ARRB1: variants seen among roughly 807,000 people sequenced by gnomAD.
ARRB1 encodes arrestin beta 1.
In ARRB1, 21 loss-of-function variants were observed where a neutral mutation model predicts 56.8. The observed-to-expected ratio is 0.37, with a 90% CI of 0.26 to 0.53. The LOEUF is 0.53. Ranked by LOEUF, ARRB1 falls within the 20% of genes least tolerant of loss-of-function variation. ARRB1 has a pLI of 0.88. For missense variants in ARRB1, 424 were observed against 553.7 expected, an observed-to-expected ratio of 0.77 and a Z score of 2.35; for synonymous variants, 210 against 218.6, an observed-to-expected ratio of 0.96 and a Z score of 0.35.
chr11:75,267,901 C>A (rs1158235234), intron 14 of ARRB1, among the ~76,000 whole-genome samples, 198 bp from the exon 15 acceptor site: 3 of 152,172 alleles, frequency 2.0e-5, no homozygotes, highest in Non-Finnish European at 4.4e-5. Context: ...AGGATGGCAC[C>A]AGGAGGGCCC....
intron 1 of ARRB1, among the ~76,000 whole-genome samples, chr11:75,327,301 C>CAAAAAAAAA (rs777940901): frequency 1.7e-5 from 1 of 60,254 alleles, no homozygotes; most frequent in Non-Finnish European, 3.0e-5. Flanking sequence ...AACTCCATCT[C>CAAAAAAAAA]AAAAAAAAAA....
intron 8 of ARRB1, 80 bp from the exon 9 acceptor site, chr11:75,277,528 G>A (rs993309630): frequency 4.6e-5 from 61 of 1,313,228 alleles, no homozygotes; most frequent in East Asian, 2.8e-4. Flanking sequence ...AAGCCCCCAC[G>A]CGATCTTCTG....
intron 6 of ARRB1, 91 bp downstream of exon 6, chr11:75,281,871 T>C (rs1370832342): frequency 3.0e-6 from 4 of 1,339,026 alleles, no homozygotes; most frequent in East Asian, 2.4e-5. Context: ...AGAGTGGTCC[T>C]GTGTGTCCAG....
Position 75,264,704 on chromosome 11 carries a change from A to G in ARRB1, c.*1459T>C, listed in dbSNP as rs1172232021. ...CAGACCAGGAGCTCTAATGTTCACA[A>G]ATTCTTGGTGGCCAGAGCTAGGAAG... On this transcript the variant is annotated 3_prime_UTR_variant, in exon 16 of 16. Coordinates refer to ENST00000420843, the MANE Select transcript of ARRB1 (RefSeq NM_004041.5). 6.6e-6 allele frequency: 1 copy of G among 152,120 alleles called. No individual in the cohort carries two copies. Among genetic ancestry groups the G allele is most frequent in the Non-Finnish European group, 1.5e-5 (1 of 68,012 alleles). 9.4% of individuals were successfully genotyped at this position (152,120 alleles called of 1,614,324 possible).
At position 75,263,011 on chromosome 11, in the gene ARRB1, C is replaced by A. The variant is rs146375593; in HGVS notation, c.*3152G>T. On this transcript the variant is annotated 3_prime_UTR_variant, in exon 16 of 16. Coordinates refer to ENST00000420843, the MANE Select transcript of ARRB1 (RefSeq NM_004041.5). ...TCTGCTCGGTGGGTTTTCACCGGGG[C>A]ATGCTTTTCCTTCCTGCCCGGACCG... Among the ~76,000 whole-genome samples, 10 of 152,314 alleles carry A rather than the reference C, an allele frequency of 6.6e-5. No individual in the cohort carries two copies. The East Asian group carries it at 1.7e-3, about 26-fold the overall frequency.
chr11:75,350,930 G>C (rs1410014630), intron 1 of ARRB1, among the ~76,000 whole-genome samples: 1 of 152,194 alleles, frequency 6.6e-6, no homozygotes, highest in African/African-American at 2.4e-5. Context: ...CAGTCTGATT[G>C]TGTCTGTGGG....
chr11:75,270,868 A>G (rs1354856148), intron 13 of ARRB1: 1 of 152,136 alleles, frequency 6.6e-6, no homozygotes, highest in African/African-American at 2.4e-5. Flanking sequence ...CTCATTGGGA[A>G]CCTGGGGGTT....
intron 1 of ARRB1, among the ~76,000 whole-genome samples, chr11:75,337,272 G>A (rs1273030163): frequency 6.6e-6 from 1 of 152,122 alleles, no homozygotes; most frequent in Non-Finnish European, 1.5e-5. Flanking sequence ...GCAACACAGT[G>A]AGACCCCATC....
chr11:75,268,139 CCTA>C (rs1158011316), intron 14 of ARRB1, among the ~76,000 whole-genome samples: 1 of 152,064 alleles, frequency 6.6e-6, no homozygotes, highest in African/African-American at 2.4e-5. Flanking sequence ...CCTAATTGTA[CCTA>C]CTATTATGTT....
intron 1 of ARRB1, among the ~76,000 whole-genome samples, chr11:75,295,850 G>A (rs1946730019): frequency 6.6e-6 from 1 of 152,162 alleles, no homozygotes; most frequent in Admixed American, 6.5e-5. Context: ...AGATTTGGGG[G>A]TTCTTACCGG....
chr11:75,312,928 AAAG>A (rs1947192787), intron 1 of ARRB1, among the ~76,000 whole-genome samples: 1 of 152,236 alleles, frequency 6.6e-6, no homozygotes, highest in Non-Finnish European at 1.5e-5. Flanking sequence ...CCAGAAGTGT[AAAG>A]AATATATTTG....
chr11:75,300,202 CAAAAAAAAAAA>C (rs10557397), intron 1 of ARRB1, among the ~76,000 whole-genome samples: 1 of 87,334 alleles, frequency 1.1e-5, no homozygotes, highest in Non-Finnish European at 2.5e-5. Context: ...GACTCTGTCT[CAAAAAAAAAAA>C]AAAAAAAAAG....
At chr11:75,298,830 C>A (rs192612825) in intron 1 of ARRB1, among the ~76,000 whole-genome samples, 1 of 149,896 alleles carries the variant, frequency 6.7e-6, no homozygotes, top group East Asian at 1.9e-4. Flanking sequence ...TCTATACATA[C>A]AATGGAATAG....
chr11:75,335,747 G>A (rs1377654056), intron 1 of ARRB1, among the ~76,000 whole-genome samples: 1 of 152,164 alleles, frequency 6.6e-6, no homozygotes, highest in Non-Finnish European at 1.5e-5. Flanking sequence ...TGGAATCCTG[G>A]GCTGGCAAGG....
rs58428187 is a variant in ARRB1 at position 75,281,085 on chromosome 11, T to C, written c.472A>G (p.Ile158Val). ...TGGCATCCTACTCACCGCTTGTGGA[T>C]CTTCTCCTCCAAATTCTCCGCGCAG... ...AFCAENLEEKIHKRNSVRLVI... is the reference protein window; with the variant it reads ...AFCAENLEEKVHKRNSVRLVI... The change falls in exon 7 of 16, where the codon ATC becomes GTC. Residue 158 changes from isoleucine (I) to valine (V), a missense_variant. Coordinates refer to ENST00000420843, the MANE Select transcript of ARRB1 (RefSeq NM_004041.5). 331 of 1,602,926 alleles carry C rather than the reference T, an allele frequency of 2.1e-4. 4 individuals are homozygous for C. In the East Asian group the frequency reaches 7.4e-3, roughly 36 times the overall value.
chr11:75,270,667 C>A (rs1041214339), intron 13 of ARRB1, among the ~76,000 whole-genome samples: 1 of 151,836 alleles, frequency 6.6e-6, no homozygotes. Flanking sequence ...GTAGAGCACA[C>A]CTGTAGTCCC....
chr11:75,313,548 G>A (rs1439138325), intron 1 of ARRB1, among the ~76,000 whole-genome samples: 2 of 152,162 alleles, frequency 1.3e-5, no homozygotes, highest in Admixed American at 1.3e-4. Context: ...CCTTATTACA[G>A]CTGGGCCCTT....
At chr11:75,322,842 C>T (rs908198872) in intron 1 of ARRB1, among the ~76,000 whole-genome samples, 2 of 152,072 alleles carry the variant, frequency 1.3e-5, no homozygotes, top group African/African-American at 2.4e-5. Flanking sequence ...CTAGATCTGC[C>T]GTTTATTAGA....
At chr11:75,330,169 C>A (rs1439401776) in intron 1 of ARRB1, among the ~76,000 whole-genome samples, 4 of 152,354 alleles carry the variant, frequency 2.6e-5, no homozygotes, top group East Asian at 1.9e-4. Context: ...GCCACGTGAA[C>A]CTTCAGATCC....
Sources: allele counts gnomAD v4.1 joint callset (sites outside exome capture counted in the v4.1 genomes callset), GRCh38; gene constraint gnomAD v4.1.1; transcripts MANE v1.5; gene names NCBI Gene and HGNC (gene_info 2026-07-23, HGNC 2026-07-21).